CTXND1: variants seen among roughly 807,000 people sequenced by gnomAD.
CTXND1 encodes cortexin domain containing 1.
chr15:80,206,189 A>C (rs1489907328), intron 1 of CTXND1, among the ~76,000 whole-genome samples: 1 of 152,252 alleles, frequency 6.6e-6, no homozygotes, highest in African/African-American at 2.4e-5. Flanking sequence ...ACTTCACTTC[A>C]AAGCACTTCA....
chr15:80,216,470 A>G (rs141287126), intron 1 of CTXND1, among the ~76,000 whole-genome samples: 31 of 152,340 alleles, frequency 2.0e-4, no homozygotes, highest in African/African-American at 7.0e-4. Flanking sequence ...ACTGTTACAT[A>G]GCAGCAGGGG....
intron 1 of CTXND1, among the ~76,000 whole-genome samples, chr15:80,208,914 G>A (rs940705428): frequency 2.0e-5 from 3 of 152,166 alleles, no homozygotes; most frequent in African/African-American, 2.4e-5. Context: ...GTCATTTAGC[G>A]GCTGCTAGAG....
Position 80,201,967 on chromosome 15 carries a change from G to C in CTXND1, c.-18C>G. 1 of 398,948 alleles carries C rather than the reference G, an allele frequency of 2.5e-6. No homozygotes were observed. Among genetic ancestry groups the C allele is most frequent in the Non-Finnish European group, 4.4e-6 (1 of 226,344 alleles). The allele number at this position is 398,948 out of a possible 1,614,324, so 24.7% of individuals were successfully genotyped here. On this transcript the variant is annotated 5_prime_UTR_variant, in exon 3 of 3. Coordinates refer to ENST00000560778, the MANE Select transcript of CTXND1 (RefSeq NM_001352888.2). ...TCCTCCATCTCGCGGCAGCGACTGC[G>C]GGCTGCTCCTCCTCCGCCTCGGGTT...
intron 1 of CTXND1, among the ~76,000 whole-genome samples, chr15:80,220,164 T>A (rs1260915539): frequency 3.3e-5 from 5 of 151,792 alleles, no homozygotes; most frequent in African/African-American, 1.2e-4. Flanking sequence ...TATCTATCTA[T>A]CTATCTATTT....
chr15:80,244,851 C>A (rs1893610357), intron 1 of CTXND1, among the ~76,000 whole-genome samples: 1 of 152,180 alleles, frequency 6.6e-6, no homozygotes, highest in Non-Finnish European at 1.5e-5. Context: ...ATCAGGTACA[C>A]AATCTCATCA....
At chr15:80,212,733 A>T (rs866892146) in intron 1 of CTXND1, among the ~76,000 whole-genome samples, 2 of 152,236 alleles carry the variant, frequency 1.3e-5, no homozygotes, top group Admixed American at 1.3e-4. Context: ...TTCAAATGTT[A>T]TATCAGCAGA....
At chr15:80,248,490 T>A (rs931672454) in intron 1 of CTXND1, among the ~76,000 whole-genome samples, 1 of 152,210 alleles carries the variant, frequency 6.6e-6, no homozygotes, top group African/African-American at 2.4e-5. Flanking sequence ...CTCCCCATTG[T>A]CTACAGTACC....
chr15:80,228,910 G>A (rs1337814053), intron 1 of CTXND1, among the ~76,000 whole-genome samples: 2 of 143,534 alleles, frequency 1.4e-5, no homozygotes, highest in Admixed American at 1.4e-4. Flanking sequence ...TTACAGGCGT[G>A]AGCCACGGTG....
chr15:80,247,482 G>T (rs964553098), intron 1 of CTXND1, among the ~76,000 whole-genome samples: 20 of 152,052 alleles, frequency 1.3e-4, no homozygotes, highest in South Asian at 4.1e-4. Context: ...AATTGCAGGG[G>T]TTGGGTGCTC....
intron 1 of CTXND1, among the ~76,000 whole-genome samples, chr15:80,222,197 A>G (rs1366364142): frequency 1.3e-5 from 2 of 152,146 alleles, no homozygotes; most frequent in Non-Finnish European, 2.9e-5. Flanking sequence ...TGTAAGGGAA[A>G]ATTTGAATTT....
chr15:80,220,318 C>T (rs565916149), intron 1 of CTXND1, among the ~76,000 whole-genome samples: 63 of 152,140 alleles, frequency 4.1e-4, no homozygotes, highest in Non-Finnish European at 8.2e-4. Flanking sequence ...TATTTATTGA[C>T]GAATCTGTCT....
chr15:80,237,336 GA>G (rs201997173), intron 1 of CTXND1, among the ~76,000 whole-genome samples: 15,964 of 100,634 alleles, frequency 0.16, 935 homozygotes, highest in East Asian at 0.33. Context: ...CAGTGTCTCA[GA>G]AAAAAAAAAA....
At chr15:80,206,896 C>A (rs982220884) in intron 1 of CTXND1, among the ~76,000 whole-genome samples, 4 of 152,196 alleles carry the variant, frequency 2.6e-5, no homozygotes, top group Non-Finnish European at 4.4e-5. Flanking sequence ...TCCCACCAGT[C>A]CTTTGGCTGA....
chr15:80,217,521 C>CTTATTTAT (rs67800490), intron 1 of CTXND1, among the ~76,000 whole-genome samples: 4,318 of 143,736 alleles, frequency 0.03, 92 homozygotes, highest in South Asian at 0.047. Flanking sequence ...CAATAGCTTG[C>CTTATTTAT]TTATTTATTT....
chr15:80,247,623 C>G (rs1893648024), intron 1 of CTXND1, among the ~76,000 whole-genome samples: 1 of 152,094 alleles, frequency 6.6e-6, no homozygotes, highest in South Asian at 2.1e-4. Context: ...GGAGTATCCT[C>G]AGAAACCAGA....
At position 80,204,647 on chromosome 15, in the gene CTXND1, G is replaced by GTATATATATATATATATATA. The variant is rs35359063; in HGVS notation, c.-217-927_-217-908dup. Among the ~76,000 whole-genome samples the GTATATATATATATATATATA allele has an allele frequency of 1.3e-3, 171 of 131,334 alleles. 1 individual carries two copies. The highest frequency in any genetic ancestry group is 3.6e-3 in the African/African-American group (125 of 34,350). 86.2% of individuals were successfully genotyped at this position (131,334 alleles called of 152,430 possible). A position where few individuals can be genotyped will look rare whatever the true frequency, so the allele number is the denominator to read the frequency against. On this transcript the variant is annotated intron_variant, in intron 1 of 2. Coordinates refer to ENST00000560778, the MANE Select transcript of CTXND1 (RefSeq NM_001352888.2). ...TTTAAGGTCCGAATAATATTCCATT[G>GTATATATATATATATATATA]TATATATATATATATATATATATAT...
chr15:80,226,468 G>T (rs1391994164), intron 1 of CTXND1, among the ~76,000 whole-genome samples: 1 of 152,062 alleles, frequency 6.6e-6, no homozygotes, highest in African/African-American at 2.4e-5. Context: ...TCTCTCTCTG[G>T]CCCTCCTGCT....
chr15:80,239,114 G>A (rs911470193), intron 1 of CTXND1, among the ~76,000 whole-genome samples: 2 of 152,146 alleles, frequency 1.3e-5, no homozygotes, highest in African/African-American at 2.4e-5. Context: ...TTGACCTCTC[G>A]ATTTCTGCCC....
chr15:80,240,392 G>C (rs1893552065), intron 1 of CTXND1, among the ~76,000 whole-genome samples: 1 of 152,142 alleles, frequency 6.6e-6, no homozygotes, highest in African/African-American at 2.4e-5. Context: ...CTGTTTTCCT[G>C]TTCTGCCAGG....
Sources: allele counts gnomAD v4.1 joint callset (sites outside exome capture counted in the v4.1 genomes callset), GRCh38; gene constraint gnomAD v4.1.1; transcripts MANE v1.5; gene names NCBI Gene and HGNC (gene_info 2026-07-23, HGNC 2026-07-21).